COL4A4: variants seen among roughly 807,000 people sequenced by gnomAD.
COL4A4 encodes the protein collagen type IV alpha 4 chain, also known as collagen alpha-4(IV) chain.
A neutral mutation model predicts 192.9 loss-of-function variants in COL4A4; 105 were observed. The ratio of observed to expected loss-of-function variants is 0.54; its 90% CI spans 0.46 to 0.64. The LOEUF is 0.64. COL4A4 is among the 30% of genes least tolerant of loss of function. The probability of loss-of-function intolerance (pLI) is 0.00; values close to 1 mark genes in which losing one functional copy is unlikely to be tolerated. For missense variants in COL4A4, 1,967 were observed against 2,169.3 expected, an observed-to-expected ratio of 0.91 and a Z score of 1.85; for synonymous variants, 762 against 769.9, an observed-to-expected ratio of 0.99 and a Z score of 0.17.
At chr2:227,155,467 A>T (rs868498064) in intron 1 of COL4A4, among the ~76,000 whole-genome samples, 5 of 152,342 alleles carry the variant, frequency 3.3e-5, no homozygotes, top group Non-Finnish European at 5.9e-5. Context: ...CTTTGCCTCC[A>T]AGTTAAGAAT....
chr2:227,024,499 T>G (rs1183855278), intron 43 of COL4A4, among the ~76,000 whole-genome samples: 1 of 152,166 alleles, frequency 6.6e-6, no homozygotes, highest in Non-Finnish European at 1.5e-5. Flanking sequence ...CCAAAAAAAT[T>G]AAATAAAAAT....
At chr2:227,163,063 A>G (rs942364691) in intron 1 of COL4A4, among the ~76,000 whole-genome samples, 2 of 152,260 alleles carry the variant, frequency 1.3e-5, no homozygotes, top group Admixed American at 6.5e-5. Context: ...GTCTGAAGCC[A>G]ATTGCAGCAA....
intron 40 of COL4A4, among the ~76,000 whole-genome samples, chr2:227,030,915 AAGATGGAT>A (rs1340734350): frequency 7.9e-6 from 1 of 126,524 alleles, no homozygotes; most frequent in East Asian, 2.7e-4. Context: ...CTGCTTTAAT[AAGATGGAT>A]GGATGGATGG....
chr2:227,038,846 A>G (rs1970233122), intron 37 of COL4A4, among the ~76,000 whole-genome samples: 2 of 152,250 alleles, frequency 1.3e-5, no homozygotes, highest in Admixed American at 6.5e-5. Flanking sequence ...TCATTTTTAT[A>G]TCAGCATGAT....
At chr2:227,131,269 C>G (rs977291578) in intron 4 of COL4A4, among the ~76,000 whole-genome samples, 54 of 152,118 alleles carry the variant, frequency 3.5e-4, no homozygotes, top group African/African-American at 1.3e-3. Context: ...AATTCTCTGC[C>G]TCAGCCTCCC....
At chr2:227,065,193 G>C (rs183678386) in intron 25 of COL4A4, among the ~76,000 whole-genome samples, 17 of 152,336 alleles carry the variant, frequency 1.1e-4, no homozygotes, top group African/African-American at 4.1e-4. Context: ...CTTAAAAAAC[G>C]GCGCACCAGG....
chr2:227,054,183 G>T (rs12328876), intron 31 of COL4A4, among the ~76,000 whole-genome samples: 68,575 of 152,006 alleles, frequency 0.45, 15,813 homozygotes, highest in South Asian at 0.63. Flanking sequence ...TTGAGTCGTT[G>T]TGACAGAGAC....
intron 23 of COL4A4, 46 bp from the exon 24 acceptor site, chr2:227,080,595 G>T: frequency 6.5e-7 from 1 of 1,529,140 alleles, no homozygotes; most frequent in Non-Finnish European, 9.1e-7. Flanking sequence ...TCAGCAGAGG[G>T]TAAAGTAGGA....
intron 10 of COL4A4, 161 bp from the exon 11 acceptor site, chr2:227,109,029 T>G: frequency 1.1e-6 from 1 of 903,756 alleles, no homozygotes. Context: ...TCTGTGAAGA[T>G]GATGTCAGTG....
chr2:227,146,027 A>G (rs1367322611), intron 2 of COL4A4, among the ~76,000 whole-genome samples: 1 of 152,214 alleles, frequency 6.6e-6, no homozygotes, highest in Non-Finnish European at 1.5e-5. Flanking sequence ...TTTAAATAGG[A>G]TATGTTGCAT....
chr2:227,101,641 A>T (rs958410175), intron 16 of COL4A4, 84 bp from the exon 17 acceptor site: 36 of 1,351,624 alleles, frequency 2.7e-5, no homozygotes, highest in Non-Finnish European at 3.8e-5. Context: ...TAAGCAACAC[A>T]TTGCCCACTG....
At chr2:227,127,847 T>C (rs1329477213) in intron 4 of COL4A4, among the ~76,000 whole-genome samples, 1 of 152,182 alleles carries the variant, frequency 6.6e-6, no homozygotes, top group Admixed American at 6.5e-5. Flanking sequence ...AAATGCAAGG[T>C]ATAAATCAGT....
intron 25 of COL4A4, 74 bp from the exon 26 acceptor site, chr2:227,062,672 C>A (rs1415905985): frequency 9.7e-7 from 1 of 1,026,078 alleles, no homozygotes; most frequent in Non-Finnish European, 1.5e-6. Flanking sequence ...TCAATGACAA[C>A]TTCCTCAAGA....
intron 42 of COL4A4, among the ~76,000 whole-genome samples, chr2:227,026,011 A>G (rs768753797): frequency 2.0e-5 from 3 of 152,100 alleles, no homozygotes; most frequent in Non-Finnish European, 4.4e-5. Context: ...AGGAGCAGCT[A>G]TGATTTAGTA....
chr2:227,065,070 C>T (rs1051915063), intron 25 of COL4A4, among the ~76,000 whole-genome samples: 13 of 152,234 alleles, frequency 8.5e-5, no homozygotes, highest in Non-Finnish European at 1.8e-4. Context: ...CATTGCCTCA[C>T]TTGGGAAGTG....
At chr2:227,038,886 T>C (rs1575986027) in intron 37 of COL4A4, among the ~76,000 whole-genome samples, 1 of 152,368 alleles carries the variant, frequency 6.6e-6, no homozygotes, top group South Asian at 2.1e-4. Flanking sequence ...ATACTGCAGA[T>C]GTTTTAACTT....
intron 44 of COL4A4, among the ~76,000 whole-genome samples, chr2:227,019,534 A>T: frequency 6.6e-6 from 1 of 152,180 alleles, no homozygotes; most frequent in East Asian, 1.9e-4. Flanking sequence ...TGGCTCCTCA[A>T]AGCCCAACCT....
rs754697085 is a variant in COL4A4 at position 227,043,117 on chromosome 2, C to G, written c.3357G>C (p.Arg1119Ser). The G allele has an allele frequency of 5.0e-6, 8 of 1,613,858 alleles. No homozygotes were observed. The Admixed American group carries it at 1.2e-4, about 24-fold the overall frequency. The stretch of plus-strand genomic sequence containing the variant: ...GTCCAGAGGAGCCAGGTGGCCCTGG[C>G]CTTCCAGGTGATCCTCTGGGCCCTT... ...GIQGPRGSPG[R>S]PGPPGSSGPP... Residue 1119 changes from arginine (R) to serine (S), a missense_variant, in exon 36 of 48, where the codon AGG becomes AGC. By Grantham distance (110) the Arg-to-Ser change is moderately radical. Transcript: ENST00000396625.
At chr2:227,045,640 A>C (rs1972332157) in intron 35 of COL4A4, among the ~76,000 whole-genome samples, 1 of 150,414 alleles carries the variant, frequency 6.6e-6, no homozygotes, top group South Asian at 2.1e-4. Flanking sequence ...GTGGTGGTGC[A>C]CACCTGTAGT....
Sources: gnomAD v4.1 joint callset for allele counts (sites outside exome capture counted in the v4.1 genomes callset) on GRCh38, gnomAD v4.1.1 for gene constraint, MANE v1.5 for transcripts, NCBI Gene and HGNC (gene_info 2026-07-23, HGNC 2026-07-21) for gene names.